ADAMTSL1: variants seen among roughly 807,000 people sequenced by gnomAD.
ADAMTSL1 encodes the protein ADAMTS like 1, also known as ADAMTS-like protein 1.
ADAMTSL1 carries 126 observed loss-of-function variants against 201.8 expected under a neutral mutation model. That is an observed-to-expected ratio of 0.62 (90% CI 0.54 to 0.72). ADAMTSL1 has a LOEUF of 0.72. ADAMTSL1 is among the 30% of genes least tolerant of loss of function. The pLI is 0.00. For synonymous variants in ADAMTSL1, 1,121 were observed against 903.4 expected (o/e 1.24, Z -4.32); for missense variants, 2,679 against 2,277.8 (o/e 1.18, Z -3.59).
At position 18,680,363 on chromosome 9, in the gene ADAMTSL1, C is replaced by A. The variant is rs1279223086; in HGVS notation, c.1188C>A (p.Ile396=). The change falls in exon 11 of 29, where the codon ATC becomes ATA. Residue 396 remains isoleucine, a synonymous_variant. Coordinates refer to ENST00000380548, the MANE Select transcript of ADAMTSL1 (RefSeq NM_001040272.6). Reference sequence around the variant, plus strand: ...GCTCCTCCTCGTGTGGGGGGGGCATCCAGAGCCGGGCAGTTTCCTGTGTGG... The same window carrying A: ...GCTCCTCCTCGTGTGGGGGGGGCATACAGAGCCGGGCAGTTTCCTGTGTGG... ...TACSSSCGGG[I]QSRAVSCVEE... is the part of the protein sequence containing the mutation. The A allele has an allele frequency of 6.2e-7, 1 of 1,613,976 alleles. No individual in the cohort carries two copies. Among genetic ancestry groups the A allele is most frequent in the Admixed American group, 1.7e-5 (1 of 59,992 alleles).
chr9:18,191,633 A>G (rs965766022), intron 2 of ADAMTSL1, among the ~76,000 whole-genome samples: 1 of 152,152 alleles, frequency 6.6e-6, no homozygotes, highest in African/African-American at 2.4e-5. Context: ...CCCTGAATCT[A>G]ATTACCAGCT....
intron 2 of ADAMTSL1, among the ~76,000 whole-genome samples, chr9:18,240,055 C>T (rs1831002785): frequency 6.6e-6 from 1 of 152,310 alleles, no homozygotes; most frequent in East Asian, 1.9e-4. Context: ...TCCCATGAAT[C>T]ATAAATGTTC....
At chr9:17,951,627 C>CT (rs60569100) in intron 1 of ADAMTSL1, among the ~76,000 whole-genome samples, 1,874 of 143,788 alleles carry the variant, frequency 0.013, 33 homozygotes, top group African/African-American at 0.036. Flanking sequence ...AACCATTACT[C>CT]TTTTTTTTTT....
At chr9:18,102,693 G>C (rs995255443) in intron 1 of ADAMTSL1, among the ~76,000 whole-genome samples, 8 of 152,192 alleles carry the variant, frequency 5.3e-5, no homozygotes, top group Admixed American at 2.0e-4. Flanking sequence ...CGTGTGTCCA[G>C]TCAGTACCAA....
At chr9:18,179,929 T>A (rs1019379954) in intron 2 of ADAMTSL1, among the ~76,000 whole-genome samples, 2 of 150,450 alleles carry the variant, frequency 1.3e-5, no homozygotes, top group African/African-American at 4.9e-5. Flanking sequence ...TCATGCCAAA[T>A]TGTAAAGACC....
chr9:17,945,722 A>T (rs1407991119), intron 1 of ADAMTSL1, among the ~76,000 whole-genome samples: 1 of 151,462 alleles, frequency 6.6e-6, no homozygotes, highest in African/African-American at 2.4e-5. Flanking sequence ...AAGAACAAAA[A>T]ACCAAACACC....
At chr9:18,568,676 A>G (rs993425661) in intron 3 of ADAMTSL1, among the ~76,000 whole-genome samples, 2 of 151,376 alleles carry the variant, frequency 1.3e-5, no homozygotes, top group Non-Finnish European at 2.9e-5. Flanking sequence ...GAGGGGCAGT[A>G]TGGGGTTTAA....
At chr9:18,157,030 T>C (rs1439451131) in intron 1 of ADAMTSL1, among the ~76,000 whole-genome samples, 1 of 152,046 alleles carries the variant, frequency 6.6e-6, no homozygotes, top group African/African-American at 2.4e-5. Flanking sequence ...ACCCATGTTC[T>C]CTCTACCCTA....
chr9:18,760,297 A>T (rs1297399897), intron 16 of ADAMTSL1, among the ~76,000 whole-genome samples: 1 of 152,012 alleles, frequency 6.6e-6, no homozygotes, highest in Non-Finnish European at 1.5e-5. Flanking sequence ...CCTTACAATC[A>T]ACTCATCAAA....
intron 2 of ADAMTSL1, among the ~76,000 whole-genome samples, chr9:18,295,344 A>G (rs59566183): frequency 6.9e-6 from 1 of 144,316 alleles, no homozygotes; most frequent in Non-Finnish European, 1.5e-5. Flanking sequence ...ACCGTTATTC[A>G]TTTTTTTTTT....
chr9:18,676,134 TG>T (rs1830117439), intron 10 of ADAMTSL1, among the ~76,000 whole-genome samples: 1 of 152,134 alleles, frequency 6.6e-6, no homozygotes, highest in South Asian at 2.1e-4. Context: ...CATGTTACAC[TG>T]GAGTGAAAAC....
intron 5 of ADAMTSL1, among the ~76,000 whole-genome samples, chr9:18,633,818 C>G (rs975930509): frequency 1.3e-5 from 2 of 151,990 alleles, no homozygotes; most frequent in Admixed American, 6.6e-5. Flanking sequence ...ATAATGTAAC[C>G]TCTCCAGGGA....
intron 1 of ADAMTSL1, among the ~76,000 whole-genome samples, chr9:17,931,420 A>C (rs1826782148): frequency 6.6e-6 from 1 of 152,144 alleles, no homozygotes; most frequent in Admixed American, 6.6e-5. Flanking sequence ...TTCTTTCATC[A>C]TCCATCTAAG....
chr9:18,894,242 C>G (rs1339387682), intron 26 of ADAMTSL1, among the ~76,000 whole-genome samples: 1 of 152,092 alleles, frequency 6.6e-6, no homozygotes, highest in Admixed American at 6.6e-5. Flanking sequence ...CTCAGCTACT[C>G]AGGAGGCTGA....
intron 1 of ADAMTSL1, among the ~76,000 whole-genome samples, chr9:18,485,464 C>T (rs959242247): frequency 3.3e-5 from 5 of 152,200 alleles, no homozygotes; most frequent in African/African-American, 1.2e-4. Context: ...CCCCAGGAAG[C>T]TCACAGGCAC....
intron 16 of ADAMTSL1, among the ~76,000 whole-genome samples, chr9:18,757,239 T>G (rs1383402218): frequency 1.3e-5 from 2 of 152,218 alleles, no homozygotes; most frequent in African/African-American, 4.8e-5. Flanking sequence ...TTTTGAACAC[T>G]TATTTTATGT....
At chr9:18,820,278 A>G (rs997817832) in intron 21 of ADAMTSL1, among the ~76,000 whole-genome samples, 2 of 152,170 alleles carry the variant, frequency 1.3e-5, no homozygotes, top group African/African-American at 2.4e-5. Context: ...ACAAGATACA[A>G]TTTTCAGGAA....
chr9:18,227,612 C>T (rs1242535892), intron 2 of ADAMTSL1, among the ~76,000 whole-genome samples: 2 of 152,136 alleles, frequency 1.3e-5, no homozygotes, highest in Admixed American at 6.6e-5. Context: ...AGCACATATG[C>T]CTGTACATTG....
intron 2 of ADAMTSL1, among the ~76,000 whole-genome samples, chr9:18,521,556 T>C (rs184013861): frequency 9.9e-4 from 150 of 152,146 alleles, no homozygotes; most frequent in Non-Finnish European, 1.6e-3. Flanking sequence ...TCACTAGGGA[T>C]GCATACTGGA....
Sources: gnomAD v4.1 joint callset for allele counts (sites outside exome capture counted in the v4.1 genomes callset) on GRCh38, gnomAD v4.1.1 for gene constraint, MANE v1.5 for transcripts, NCBI Gene and HGNC (gene_info 2026-07-23, HGNC 2026-07-21) for gene names.